Variants in CPNE4 observed in about 807,000 individuals in gnomAD.
The protein encoded by CPNE4 is copine-4.
CPNE4 carries 25 observed loss-of-function variants against 67.9 expected under a neutral mutation model. The ratio of observed to expected loss-of-function variants is 0.37; its 90% CI spans 0.27 to 0.51. The LOEUF is 0.51. CPNE4 is among the 20% of genes least tolerant of loss of function. CPNE4 has a pLI of 0.93. For missense variants in CPNE4, 464 were observed against 690.8 expected, an observed-to-expected ratio of 0.67 and a Z score of 3.68; for synonymous variants, 242 against 244.9, an observed-to-expected ratio of 0.99 and a Z score of 0.11.
In CPNE4 at chr3:131,547,488, AAAAAAAAAAAAAAC is replaced by A. The variant is rs1559876447; in HGVS notation, c.1302+2445_1302+2458del. Reference sequence around the variant, plus strand: ...AAAAAAAAAAAAAAAAAAAAAAAAAAAAAAAAAAAAAAACCTAATAGTGTTCATGGCTTCTGAAA... The same window carrying A: ...AAAAAAAAAAAAAAAAAAAAAAAAAACTAATAGTGTTCATGGCTTCTGAAA... On this transcript the variant is annotated intron_variant, in intron 14 of 15. Coordinates refer to ENST00000429747, the MANE Select transcript of CPNE4 (RefSeq NM_130808.3). Among the ~76,000 whole-genome samples the A allele has an allele frequency of 5.6e-4, 68 of 122,436 alleles. 1 individual carries two copies. Among genetic ancestry groups the A allele is most frequent in the South Asian group, 1.1e-3 (4 of 3,658 alleles). The allele number at this position is 122,436 out of a possible 152,430, so 80.3% of individuals were successfully genotyped here.
intron 2 of CPNE4, among the ~76,000 whole-genome samples, chr3:131,781,082 G>T (rs1343993664): frequency 6.6e-6 from 1 of 151,636 alleles, no homozygotes; most frequent in African/African-American, 2.4e-5. Context: ...TTTTAATGAG[G>T]TGGCTGTGAC....
rs1560576962 is a variant in CPNE4 at position 131,906,238 on chromosome 3, TTTG to T, written c.-1-797_-1-795del. Among the ~76,000 whole-genome samples the T allele has an allele frequency of 2.6e-5, 4 of 151,968 alleles. No individual in the cohort carries two copies. The South Asian group carries it at 8.3e-4, about 32-fold the overall frequency. The stretch of plus-strand genomic sequence containing the variant: ...TTGTTGTTGTTTTGTTTTGTTTTAT[TTTG>T]TTTTTGTTTTTTTGTTTTATTATTA... On this transcript the variant is annotated intron_variant, in intron 1 of 15. Coordinates refer to ENST00000429747, the MANE Select transcript of CPNE4 (RefSeq NM_130808.3).
intron 7 of CPNE4, among the ~76,000 whole-genome samples, chr3:131,666,000 TG>T (rs2080250291): frequency 6.6e-6 from 1 of 152,108 alleles, no homozygotes; most frequent in Admixed American, 6.6e-5. Flanking sequence ...GGTTTTTTTC[TG>T]GTATTAGATA....
chr3:131,975,209 G>T (rs114256691), intron 1 of CPNE4, among the ~76,000 whole-genome samples: 1 of 152,256 alleles, frequency 6.6e-6, no homozygotes, highest in African/African-American at 2.4e-5. Context: ...GCTTTTAAAT[G>T]TCCCTTTCAA....
chr3:131,698,160 G>A (rs993053725), intron 4 of CPNE4, among the ~76,000 whole-genome samples: 9 of 144,458 alleles, frequency 6.2e-5, no homozygotes, highest in African/African-American at 7.8e-5. Flanking sequence ...GCGTGAACCC[G>A]GGAGGTGGAA....
chr3:131,914,924 C>T lies in CPNE4; in HGVS notation c.-1-9480G>A, dbSNP rs527655065. On this transcript the variant is annotated intron_variant, in intron 1 of 15. Transcript: ENST00000429747. ...CCAGGAGGCGGAGTTTGCAGTGAGCCGAGATTGCGCCACTGCACTCCAGCC... is the reference window on the plus strand; with the variant it reads ...CCAGGAGGCGGAGTTTGCAGTGAGCTGAGATTGCGCCACTGCACTCCAGCC... Among the ~76,000 whole-genome samples, 5 of 152,126 alleles carry T rather than the reference C, an allele frequency of 3.3e-5. No homozygotes were observed. In the South Asian group the frequency reaches 1.0e-3, roughly 32 times the overall value.
chr3:131,912,039 C>T (rs1030669087), intron 1 of CPNE4, among the ~76,000 whole-genome samples: 1 of 152,122 alleles, frequency 6.6e-6, no homozygotes, highest in East Asian at 1.9e-4. Flanking sequence ...ATTAATATAG[C>T]CCGATTATCA....
intron 3 of CPNE4, among the ~76,000 whole-genome samples, chr3:131,720,310 G>A (rs1227655319): frequency 1.8e-4 from 25 of 142,336 alleles, no homozygotes; most frequent in Non-Finnish European, 3.3e-4. Context: ...TTTTTGAGAC[G>A]GAGTCTCACT....
chr3:131,617,754 C>T (rs975817099), intron 7 of CPNE4, among the ~76,000 whole-genome samples: 10 of 152,134 alleles, frequency 6.6e-5, no homozygotes, highest in South Asian at 2.1e-4. Flanking sequence ...GGGTTATATA[C>T]GGGTTCCATT....
At chr3:131,770,964 G>C (rs1461699233) in intron 2 of CPNE4, among the ~76,000 whole-genome samples, 1 of 152,164 alleles carries the variant, frequency 6.6e-6, no homozygotes, top group Non-Finnish European at 1.5e-5. Context: ...GATCAAGCCA[G>C]AAGACATGAA....
intron 2 of CPNE4, among the ~76,000 whole-genome samples, chr3:131,725,589 G>A (rs2081982039): frequency 6.6e-6 from 1 of 152,174 alleles, no homozygotes; most frequent in Non-Finnish European, 1.5e-5. Flanking sequence ...GGCCATTTGT[G>A]CAGGTACAAG....
At chr3:131,657,074 T>C (rs1162387748) in intron 7 of CPNE4, among the ~76,000 whole-genome samples, 2 of 152,182 alleles carry the variant, frequency 1.3e-5, no homozygotes, top group Admixed American at 6.5e-5. Flanking sequence ...CCAAGGATGA[T>C]ATATTTTCCT....
intron 3 of CPNE4, among the ~76,000 whole-genome samples, chr3:131,706,082 A>G (rs546902142): frequency 1.1e-4 from 17 of 152,276 alleles, no homozygotes; most frequent in African/African-American, 3.6e-4. Flanking sequence ...TCAAGGGCAC[A>G]TGGTATCTTT....
chr3:131,667,626 T>C (rs1486124731), intron 7 of CPNE4, among the ~76,000 whole-genome samples: 1 of 151,842 alleles, frequency 6.6e-6, no homozygotes, highest in African/African-American at 2.4e-5. Context: ...TTTCTTTCCT[T>C]TCTTCTTTTT....
chr3:131,685,764 C>T, intron 6 of CPNE4, 111 bp downstream of exon 6: 2 of 691,804 alleles, frequency 2.9e-6, no homozygotes, highest in South Asian at 3.9e-5. Flanking sequence ...CTGGGTGACA[C>T]AGCGAGACTC....
At chr3:131,865,001 T>C (rs1300042653) in intron 2 of CPNE4, among the ~76,000 whole-genome samples, 5 of 152,104 alleles carry the variant, frequency 3.3e-5, no homozygotes. Context: ...ATATGCTGGA[T>C]TGTGTTTATT....
intron 6 of CPNE4, among the ~76,000 whole-genome samples, chr3:131,674,643 T>C (rs1295851402): frequency 2.0e-5 from 3 of 152,036 alleles, no homozygotes; most frequent in Non-Finnish European, 2.9e-5. Context: ...GATCCACTAA[T>C]TTTCTGCAGT....
chr3:131,549,145 G>A (rs1229289523), intron 14 of CPNE4, among the ~76,000 whole-genome samples: 1 of 152,120 alleles, frequency 6.6e-6, no homozygotes, highest in Non-Finnish European at 1.5e-5. Context: ...GTTGACATGA[G>A]GTAGGAGCAT....
chr3:131,803,074 G>C (rs977113829), intron 2 of CPNE4, among the ~76,000 whole-genome samples: 1 of 152,152 alleles, frequency 6.6e-6, no homozygotes, highest in Non-Finnish European at 1.5e-5. Context: ...GGTAGTGAAA[G>C]GTTACAAAAA....
Sources: gnomAD v4.1 joint callset for allele counts (sites outside exome capture counted in the v4.1 genomes callset) on GRCh38, gnomAD v4.1.1 for gene constraint, MANE v1.5 for transcripts, NCBI Gene and HGNC (gene_info 2026-07-23, HGNC 2026-07-21) for gene names.